The following ZNF292 variants were observed in gnomAD, a reference collection of about 807,000 sequenced individuals.
ZNF292 encodes 16 zinc-finger domain protein.
A neutral mutation model predicts 217.9 loss-of-function variants in ZNF292; 26 were observed. That is an observed-to-expected ratio of 0.12 (90% CI 0.09 to 0.17). The LOEUF is 0.17. ZNF292 is among the 10% of genes least tolerant of loss of function. ZNF292 has a pLI of 1.00. For missense variants in ZNF292, 2,904 were observed against 3,175.2 expected, an observed-to-expected ratio of 0.91 and a Z score of 2.05; for synonymous variants, 1,257 against 1,124.1, an observed-to-expected ratio of 1.12 and a Z score of -2.37.
At chr6:87,213,840 G>T (rs1772609680) in intron 1 of ZNF292, 1 of 152,198 alleles carries the variant, frequency 6.6e-6, no homozygotes, top group Non-Finnish European at 1.5e-5. Flanking sequence ...GAAACTTGGG[G>T]TTCACTATAT....
At chr6:87,239,825 A>G (rs1401402637) in intron 5 of ZNF292, among the ~76,000 whole-genome samples, 1 of 151,066 alleles carries the variant, frequency 6.6e-6, no homozygotes, top group African/African-American at 2.4e-5. Context: ...CTCACTTCCT[A>G]GACGGGATGG....
Position 87,188,451 on chromosome 6 carries a change from T to G in ZNF292, c.169-27452T>G, listed in dbSNP as rs577063107. 1.6e-3 allele frequency among the ~76,000 whole-genome samples: 248 copies of G among 152,226 alleles called. 1 individual carries two copies. The highest frequency in any genetic ancestry group is 5.8e-3 in the African/African-American group (240 of 41,552). On this transcript the variant is annotated intron_variant, in intron 1 of 7. Coordinates refer to ENST00000369577, the MANE Select transcript of ZNF292 (RefSeq NM_015021.3). The stretch of plus-strand genomic sequence containing the variant: ...TATAAGCCTCTATGCTTTGTTTAAT[T>G]TATCCTGAGATCTCAGATTTTTAAC...
intron 1 of ZNF292, among the ~76,000 whole-genome samples, chr6:87,184,925 G>A (rs1394366837): frequency 6.6e-6 from 1 of 152,196 alleles, no homozygotes; most frequent in Non-Finnish European, 1.5e-5. Flanking sequence ...TCCATTTTCT[G>A]TATTTGCTCT....
At chr6:87,187,573 C>G (rs1369441936) in intron 1 of ZNF292, among the ~76,000 whole-genome samples, 1 of 151,832 alleles carries the variant, frequency 6.6e-6, no homozygotes, top group Non-Finnish European at 1.5e-5. Context: ...CAAAAATTAG[C>G]CAAGTATGGT....
At position 87,159,501 on chromosome 6, in the gene ZNF292, T is replaced by C. The variant is rs1000880655; in HGVS notation, c.168+3742T>C. 2.8e-3 allele frequency among the ~76,000 whole-genome samples: 407 copies of C among 143,120 alleles called. 1 individual carries two copies. The highest frequency in any genetic ancestry group is 0.01 in the African/African-American group (389 of 37,268). The allele number at this position is 143,120 out of a possible 152,430, so 93.9% of individuals were successfully genotyped here. On this transcript the variant is annotated intron_variant, in intron 1 of 7. Transcript: ENST00000369577. ...TCTCAGCTTTCTTTTCTTTCTTTTT[T>C]TTTTTTTTTTTTTTTAAAAAAGATG... is the stretch of plus-strand genomic sequence containing the variant.
chr6:87,259,766 A>G lies in ZNF292; in HGVS notation c.6137A>G (p.Glu2046Gly), dbSNP rs751272425. The change falls in exon 8 of 8, where the codon GAA (glutamate) becomes GGA (glycine). Residue 2046 changes from glutamate (E) to glycine (G), a missense_variant. Glu to Gly is a moderately conservative substitution (Grantham distance 98). Coordinates refer to ENST00000369577, the MANE Select transcript of ZNF292 (RefSeq NM_015021.3). ...VAVIPEKQLV[E>G]KKSPDKTESS... ...GTGATCCCAGAAAAACAACTTGTAG[A>G]AAAAAAAAGTCCTGACAAAACAGAA... 18 of 1,594,500 alleles carry G rather than the reference A, an allele frequency of 1.1e-5. No homozygotes were observed. In the African/African-American group the frequency reaches 1.6e-4, roughly 14 times the overall value.
intron 1 of ZNF292, among the ~76,000 whole-genome samples, 163 bp from the exon 2 acceptor site, chr6:87,215,740 C>T (rs2127802070): frequency 6.6e-6 from 1 of 152,184 alleles, no homozygotes; most frequent in African/African-American, 2.4e-5. Context: ...AAAAATATGA[C>T]TATGACTTTA....
Position 87,265,088 on chromosome 6 carries a change from G to GTT in ZNF292, c.*3288_*3289dup, listed in dbSNP as rs1366283584. Reference sequence around the variant, plus strand: ...TAAGTTTTCTAAATTGTGTGCTGTAGTTCTCTCTCTCTCTCTCTCTTTTTT... The same window carrying GTT: ...TAAGTTTTCTAAATTGTGTGCTGTAGTTTTCTCTCTCTCTCTCTCTCTTTTTT... On this transcript the variant is annotated 3_prime_UTR_variant, in exon 8 of 8. Transcript: ENST00000369577. Among the ~76,000 whole-genome samples the GTT allele has an allele frequency of 6.7e-6, 1 of 149,474 alleles. No individual in the cohort carries two copies. Among genetic ancestry groups the GTT allele is most frequent in the Non-Finnish European group, 1.5e-5 (1 of 67,776 alleles).
Position 87,194,909 on chromosome 6 carries a change from A to G in ZNF292, c.169-20994A>G, listed in dbSNP as rs192169757. ...CTGTACCTGAAAATGTCTATATACT[A>G]TATTAAATTGAAAAGCTCATTTGAA... On this transcript the variant is annotated intron_variant, in intron 1 of 7. Coordinates refer to ENST00000369577, the MANE Select transcript of ZNF292 (RefSeq NM_015021.3). Among the ~76,000 whole-genome samples, 26 of 143,096 alleles carry G rather than the reference A, an allele frequency of 1.8e-4. No homozygotes were observed. In the East Asian group the frequency reaches 3.2e-3, roughly 18 times the overall value. The allele number at this position is 143,096 out of a possible 152,430, so 93.9% of individuals were successfully genotyped here.
intron 1 of ZNF292, among the ~76,000 whole-genome samples, chr6:87,162,185 T>A (rs1770774653): frequency 6.6e-6 from 1 of 152,206 alleles, no homozygotes; most frequent in Non-Finnish European, 1.5e-5. Context: ...CTATTTGAGC[T>A]AGTCTTCATT....
chr6:87,245,540 G>A lies in ZNF292; in HGVS notation c.916G>A (p.Val306Ile), dbSNP rs1774530397. Residue 306 changes from valine to isoleucine, a missense_variant, in exon 7 of 8, where the codon GTA (valine) becomes ATA (isoleucine). Coordinates refer to ENST00000369577, the MANE Select transcript of ZNF292 (RefSeq NM_015021.3). ...CTTTTGGAGTAAATTACAACAAAGA[G>A]TAGAACCATCTATACAAGTGTACCT... Reference protein sequence around the residue: ...TLFWSKLQQRVEPSIQVYLER... With the variant: ...TLFWSKLQQRIEPSIQVYLER... 1.3e-6 allele frequency: 2 copies of A among 1,547,766 alleles called. No individual in the cohort carries two copies. The highest frequency in any genetic ancestry group is 2.1e-5 in the Admixed American group (1 of 46,572).
chr6:87,260,050 T>G lies in ZNF292; in HGVS notation c.6421T>G (p.Ser2141Ala). 1 of 1,613,556 alleles carries G rather than the reference T, an allele frequency of 6.2e-7. No homozygotes were observed. Among genetic ancestry groups the G allele is most frequent in the African/African-American group, 1.3e-5 (1 of 74,998 alleles). Residue 2141 changes from serine (S) to alanine (A), a missense_variant, in exon 8 of 8, where the codon TCA becomes GCA. By Grantham distance (99) the Ser-to-Ala change is moderately conservative. Around this residue, in one of 15 missense-constraint regions of ZNF292, gnomAD observed 261 missense variants for 272.8 expected, o/e 0.96. Coordinates refer to ENST00000369577, the MANE Select transcript of ZNF292 (RefSeq NM_015021.3). ...LILHYQAVHK[S>A]DLPAFSAEVE... ...TCTCCATTACCAGGCTGTACACAAA[T>G]CAGATCTACCTGCATTTTCAGCAGA...
At chr6:87,167,059 A>G (rs1362470651) in intron 1 of ZNF292, among the ~76,000 whole-genome samples, 1 of 152,190 alleles carries the variant, frequency 6.6e-6, no homozygotes, top group Non-Finnish European at 1.5e-5. Context: ...TTTTCCTGAA[A>G]TAGGTTATAC....
chr6:87,186,812 G>A (rs1276109938), intron 1 of ZNF292, among the ~76,000 whole-genome samples: 3 of 152,228 alleles, frequency 2.0e-5, no homozygotes, highest in Non-Finnish European at 2.9e-5. Context: ...TCTCCAAAGA[G>A]GCAAGCCTCT....
intron 1 of ZNF292, among the ~76,000 whole-genome samples, chr6:87,210,668 T>G (rs1364772417): frequency 6.6e-6 from 1 of 152,068 alleles, no homozygotes; most frequent in Non-Finnish European, 1.5e-5. Context: ...TAGTCCCAAC[T>G]ACACGGGAGG....
At chr6:87,185,076 C>G (rs1199671032) in intron 1 of ZNF292, among the ~76,000 whole-genome samples, 1 of 152,174 alleles carries the variant, frequency 6.6e-6, no homozygotes, top group African/African-American at 2.4e-5. Context: ...TTTAGGTATT[C>G]CTTAATCCAG....
At chr6:87,197,584 A>G (rs1403857643) in intron 1 of ZNF292, among the ~76,000 whole-genome samples, 1 of 149,644 alleles carries the variant, frequency 6.7e-6, no homozygotes, top group Non-Finnish European at 1.5e-5. Context: ...AAAATAAAAA[A>G]AAATTAGCTG....
chr6:87,256,338 C>A lies in ZNF292; in HGVS notation c.2709C>A (p.Asp903Glu). The change falls in exon 8 of 8, where the codon GAC becomes GAA. Residue 903 changes from aspartate to glutamate, a missense_variant. By Grantham distance (45) the Asp-to-Glu change is conservative. Around this residue, in one of 15 missense-constraint regions of ZNF292, gnomAD observed 687 missense variants for 623.0 expected, o/e 1.10. Coordinates refer to ENST00000369577, the MANE Select transcript of ZNF292 (RefSeq NM_015021.3). ...SKAESAVTKQ[D>E]QISASELRQA... is the part of the protein sequence containing the mutation. ...CAGAATCAGCTGTGACCAAACAAGA[C>A]CAGATTTCTGCCTCTGAGCTCAGGC... The A allele has an allele frequency of 6.2e-7, 1 of 1,612,510 alleles. No individual in the cohort carries two copies.
At chr6:87,179,318 G>A (rs1771396729) in intron 1 of ZNF292, among the ~76,000 whole-genome samples, 1 of 151,922 alleles carries the variant, frequency 6.6e-6, no homozygotes, top group Non-Finnish European at 1.5e-5. Flanking sequence ...GCACCATCAT[G>A]CCCAGCTAAT....
Sources: allele counts gnomAD v4.1 joint callset (sites outside exome capture counted in the v4.1 genomes callset), GRCh38; gene constraint gnomAD v4.1.1; regional missense constraint gnomAD v4.1.1; transcripts MANE v1.5; gene names NCBI Gene and HGNC (gene_info 2026-07-23, HGNC 2026-07-21).